HCRTR1: variants seen among roughly 807,000 people sequenced by gnomAD.
HCRTR1 encodes orexin/Hypocretin receptor type 1.
HCRTR1 carries 28 observed loss-of-function variants against 40.6 expected under a neutral mutation model. That is an observed-to-expected ratio of 0.69 (90% CI 0.51 to 0.95). The LOEUF (loss-of-function observed/expected upper bound fraction) is 0.95. Among genes scored for constraint, HCRTR1 ranks in the 40% least tolerant of loss-of-function variants. HCRTR1 has a pLI of 0.00. For missense variants in HCRTR1, 482 were observed against 564.7 expected, an observed-to-expected ratio of 0.85 and a Z score of 1.48; for synonymous variants, 209 against 230.0, an observed-to-expected ratio of 0.91 and a Z score of 0.83.
At chr1:31,623,438 T>G (rs1226937482) in intron 6 of HCRTR1, 85 bp from the exon 7 acceptor site, 4 of 1,157,342 alleles carry the variant, frequency 3.5e-6, no homozygotes, top group East Asian at 2.6e-5. Flanking sequence ...CTGCCCGGGG[T>G]CCAGCCTGGA....
rs557159075 is a variant in HCRTR1 at position 31,624,921 on chromosome 1, G to T, written c.966-76G>T. ...GGAACTCTTGCACTTTACAGCTCAG[G>T]TTCTGTGAGCAGCACTCCCCCAGTA... On this transcript the variant is annotated intron_variant, in intron 7 of 8. Transcript: ENST00000403528. 6.2e-6 allele frequency: 9 copies of T among 1,453,116 alleles called. No individual in the cohort carries two copies. The East Asian group carries it at 9.9e-5, about 16-fold the overall frequency. 90.0% of individuals were successfully genotyped at this position (1,453,116 alleles called of 1,614,324 possible).
chr1:31,621,440 G>C, intron 5 of HCRTR1, 37 bp from the exon 6 acceptor site: 6 of 1,481,448 alleles, frequency 4.1e-6, no homozygotes, highest in Non-Finnish European at 5.7e-6. Context: ...TGGGGCTCAC[G>C]GATTGGGCCT....
chr1:31,630,836 G>C (rs201297417), downstream of HCRTR1: 3 of 1,606,724 alleles, frequency 1.9e-6, no homozygotes, highest in Non-Finnish European at 8.5e-7. Flanking sequence ...GCCCATTTGG[G>C]ACAGAGCTGG....
At chr1:31,624,431 G>A (rs1570254508) in intron 7 of HCRTR1, among the ~76,000 whole-genome samples, 1 of 140,542 alleles carries the variant, frequency 7.1e-6, no homozygotes. Context: ...ACTCCAGCCT[G>A]GGTGACACAG....
chr1:31,630,536 AGAT>A (rs1214654886), downstream of HCRTR1: 39 of 1,341,824 alleles, frequency 2.9e-5, no homozygotes, highest in Non-Finnish European at 4.0e-5. Flanking sequence ...GGAAAAGAAG[AGAT>A]GTCCACATAC....
chr1:31,622,027 G>A (rs1040374914), intron 6 of HCRTR1, among the ~76,000 whole-genome samples: 1 of 152,186 alleles, frequency 6.6e-6, no homozygotes, highest in African/African-American at 2.4e-5. Flanking sequence ...CAACTCCGTG[G>A]TGCTTGCCAA....
In HCRTR1 at chr1:31,625,065, G is replaced by A. The variant is rs76538520; in HGVS notation, c.1034G>A (p.Trp345Ter). ...AVYACFTFSHWLVYANSAANP... is the reference protein window; with the variant it reads ...AVYACFTFSH Reference sequence around the variant, plus strand: ...TACGCCTGCTTCACCTTCTCCCACTGGCTGGTGTACGCCAACAGCGCTGCC... The same window carrying A: ...TACGCCTGCTTCACCTTCTCCCACTAGCTGGTGTACGCCAACAGCGCTGCC... The change falls in exon 8 of 9, where the codon TGG becomes TAG. Residue 345 changes from tryptophan to a stop codon, truncating the protein, a stop_gained. Transcript: ENST00000403528. LOFTEE classifies it high-confidence loss of function. This position sits in a 1 kb window ranked among gnomAD's most constrained non-coding sequence, Gnocchi z 4.2. The A allele has an allele frequency of 6.2e-7, 1 of 1,612,926 alleles. No homozygotes were observed. Among genetic ancestry groups the A allele is most frequent in the Admixed American group, 1.7e-5 (1 of 59,890 alleles).
downstream of HCRTR1, chr1:31,633,010 G>T (rs1201141538): frequency 9.8e-6 from 9 of 916,394 alleles, no homozygotes; most frequent in Admixed American, 5.9e-5. Flanking sequence ...CAGTCTAGGG[G>T]ATCTCACCCT....
chr1:31,632,094 G>C (rs1640120832), downstream of HCRTR1, among the ~76,000 whole-genome samples: 1 of 152,228 alleles, frequency 6.6e-6, no homozygotes, highest in African/African-American at 2.4e-5. Flanking sequence ...ACTAGCAGAG[G>C]TGGCAACAGA....
At chr1:31,624,138 T>G (rs1639922576) in intron 7 of HCRTR1, among the ~76,000 whole-genome samples, 1 of 152,166 alleles carries the variant, frequency 6.6e-6, no homozygotes, top group South Asian at 2.1e-4. Flanking sequence ...GGTGGGTTTT[T>G]GCTTTTGCTT....
chr1:31,633,708 C>T (rs1212164395), downstream of HCRTR1, among the ~76,000 whole-genome samples: 2 of 152,178 alleles, frequency 1.3e-5, no homozygotes, highest in Non-Finnish European at 2.9e-5. Context: ...GTAATCCCAG[C>T]ACTTTGGGAA....
At chr1:31,633,217 CTGCTT>C, downstream of HCRTR1, 1 of 1,614,130 alleles carries the variant, frequency 6.2e-7, no homozygotes, top group Non-Finnish European at 8.5e-7. Context: ...TGACCAGGGC[CTGCTT>C]TAGCTCCTTC....
downstream of HCRTR1, among the ~76,000 whole-genome samples, chr1:31,628,381 C>A (rs776477799): frequency 2.6e-5 from 4 of 152,344 alleles, no homozygotes; most frequent in East Asian, 7.7e-4. Context: ...GTGGACGGGG[C>A]AGAGCTCTAG....
intron 5 of HCRTR1, 76 bp downstream of exon 5, chr1:31,621,162 A>C: frequency 1.3e-6 from 2 of 1,516,438 alleles, no homozygotes; most frequent in Non-Finnish European, 8.8e-7. Context: ...ACAGGCATCT[A>C]GCAGGGTCCC....
intron 6 of HCRTR1, among the ~76,000 whole-genome samples, chr1:31,623,103 CG>C (rs1296712332): frequency 6.6e-6 from 1 of 151,886 alleles, no homozygotes; most frequent in Non-Finnish European, 1.5e-5. Context: ...CTGAGGCAGG[CG>C]GATCACCTAA....
chr1:31,619,091 C>T lies in HCRTR1; in HGVS notation c.-102C>T. 1.0e-6 allele frequency: 1 copy of T among 968,042 alleles called. No individual in the cohort carries two copies. Among genetic ancestry groups the T allele is most frequent in the Non-Finnish European group, 1.5e-6 (1 of 659,938 alleles). The allele number at this position is 968,042 out of a possible 1,614,324, so 60.0% of individuals were successfully genotyped here. A position where few individuals can be genotyped will look rare whatever the true frequency, so the allele number is the denominator to read the frequency against. ...GACCCGAAAAGACCTGGGTGCAAGC[C>T]TCCAGGCACCCTGAAGGGAGTGGGC... On this transcript the variant is annotated 5_prime_UTR_variant, in exon 3 of 9. Transcript: ENST00000403528.
Position 31,625,125 on chromosome 1 carries a change from A to G in HCRTR1, c.1087+7A>G, listed in dbSNP as rs1639948859. The G allele has an allele frequency of 6.2e-7, 1 of 1,601,822 alleles. No individual in the cohort carries two copies. The highest frequency in any genetic ancestry group is 1.3e-5 in the African/African-American group (1 of 74,650). ...ATCTACAACTTCCTCAGTGGTGAGCAGGCTGGGGATGCAAAATGACTGAGG... is the reference window on the plus strand; with the variant it reads ...ATCTACAACTTCCTCAGTGGTGAGCGGGCTGGGGATGCAAAATGACTGAGG... On this transcript the variant is annotated splice_region_variant and intron_variant, in intron 8 of 8. Transcript: ENST00000403528. This position sits in a 1 kb window ranked among gnomAD's most constrained non-coding sequence, Gnocchi z 4.2.
chr1:31,630,636 T>C (rs754327994), downstream of HCRTR1: 6 of 1,612,438 alleles, frequency 3.7e-6, no homozygotes, highest in East Asian at 2.2e-5. Context: ...GAAGCTGTCA[T>C]GGTGACGAAG....
At chr1:31,633,911 C>T (rs1338498350), downstream of HCRTR1, among the ~76,000 whole-genome samples, 11 of 151,328 alleles carry the variant, frequency 7.3e-5, no homozygotes, top group South Asian at 2.1e-4. Context: ...GCCAAGATCA[C>T]GCCATTGCAC....
Sources: allele counts gnomAD v4.1 joint callset (sites outside exome capture counted in the v4.1 genomes callset), GRCh38; gene constraint gnomAD v4.1.1; non-coding constraint Gnocchi (gnomAD v3.1); transcripts MANE v1.5; gene names NCBI Gene and HGNC (gene_info 2026-07-23, HGNC 2026-07-21).